FARS2: variants seen among roughly 807,000 people sequenced by gnomAD.
The protein encoded by FARS2 is phenylalanine--tRNA ligase, mitochondrial.
FARS2 carries 40 observed loss-of-function variants against 46.4 expected under a neutral mutation model. The ratio of observed to expected loss-of-function variants is 0.86; its 90% CI spans 0.67 to 1.12. The LOEUF (loss-of-function observed/expected upper bound fraction) is 1.12, where lower values mean the gene tolerates loss of function less well. Ranked by LOEUF, FARS2 falls within the 50% of genes most tolerant of loss-of-function variation. FARS2 has a pLI of 0.00. For missense variants in FARS2, 513 were observed against 567.9 expected (o/e 0.90, Z 0.98); for synonymous variants, 234 against 214.9 (o/e 1.09, Z -0.78).
intron 6 of FARS2, among the ~76,000 whole-genome samples, chr6:5,733,198 A>G (rs1346324290): frequency 6.6e-6 from 1 of 152,212 alleles, no homozygotes; most frequent in Non-Finnish European, 1.5e-5. Flanking sequence ...AGAATTAAAA[A>G]CTTCTTGATG....
intron 4 of FARS2, among the ~76,000 whole-genome samples, chr6:5,544,952 A>G (rs1770869224): frequency 6.6e-6 from 1 of 152,126 alleles, no homozygotes; most frequent in South Asian, 2.1e-4. Flanking sequence ...GAAAGACAGT[A>G]CTCCAGACAG....
At chr6:5,472,900 C>A (rs907527525) in intron 4 of FARS2, among the ~76,000 whole-genome samples, 1 of 152,132 alleles carries the variant, frequency 6.6e-6, no homozygotes, top group African/African-American at 2.4e-5. Flanking sequence ...TTGTTAAATA[C>A]AGAGAGCACA....
In FARS2 at chr6:5,445,250, G is replaced by GAA. The variant is rs377449736; in HGVS notation, c.904+14080_904+14081dup. ...ATTGGATTTTATTTAAACTATTTAT[G>GAA]AAACTCTTGCTTCATGGGATCACTG... is the stretch of plus-strand genomic sequence containing the variant. On this transcript the variant is annotated intron_variant, in intron 4 of 6. Coordinates refer to ENST00000274680, the MANE Select transcript of FARS2 (RefSeq NM_006567.5). 4.9e-3 allele frequency among the ~76,000 whole-genome samples: 743 copies of GAA among 152,226 alleles called. 4 individuals carry two copies. The highest frequency in any genetic ancestry group is 8.1e-3 in the Non-Finnish European group (551 of 68,010).
intron 5 of FARS2, among the ~76,000 whole-genome samples, chr6:5,606,364 G>C (rs1413289060): frequency 1.3e-5 from 2 of 151,864 alleles, no homozygotes; most frequent in Non-Finnish European, 2.9e-5. Context: ...ATAGGCGGCA[G>C]GGAAGTTGTC....
At chr6:5,557,431 G>A (rs1194477208) in intron 5 of FARS2, among the ~76,000 whole-genome samples, 2 of 152,090 alleles carry the variant, frequency 1.3e-5, no homozygotes, top group Non-Finnish European at 2.9e-5. Flanking sequence ...TAAGAGTGAG[G>A]GAGAGTTTTT....
At chr6:5,432,219 G>A (rs2127769905) in intron 4 of FARS2, among the ~76,000 whole-genome samples, 1 of 146,578 alleles carries the variant, frequency 6.8e-6, no homozygotes, top group East Asian at 2.0e-4. Flanking sequence ...GGGAGGCTGA[G>A]GCAGGAGAAT....
At chr6:5,483,286 C>T (rs1766581873) in intron 4 of FARS2, among the ~76,000 whole-genome samples, 1 of 152,190 alleles carries the variant, frequency 6.6e-6, no homozygotes, top group Non-Finnish European at 1.5e-5. Flanking sequence ...GTGATCAATT[C>T]CCAAAAGACC....
intron 6 of FARS2, among the ~76,000 whole-genome samples, chr6:5,760,438 G>A (rs924575506): frequency 2.0e-5 from 3 of 152,158 alleles, no homozygotes; most frequent in African/African-American, 7.2e-5. Context: ...TGCCAGGAAT[G>A]AGACCTCAAG....
At chr6:5,410,081 A>T (rs759244035) in intron 3 of FARS2, among the ~76,000 whole-genome samples, 28 of 152,076 alleles carry the variant, frequency 1.8e-4, no homozygotes, top group Non-Finnish European at 3.2e-4. Flanking sequence ...ACTGAATGTT[A>T]ACAATGCTTT....
At chr6:5,566,176 GCCAATTGGCTTAT>G (rs1226633034) in intron 5 of FARS2, among the ~76,000 whole-genome samples, 1 of 152,158 alleles carries the variant, frequency 6.6e-6, no homozygotes, top group Non-Finnish European at 1.5e-5. Context: ...GCAGCCCAAA[GCCAATTGGCTTAT>G]TTTGTAATCA....
intron 5 of FARS2, among the ~76,000 whole-genome samples, chr6:5,588,926 G>A (rs1424887757): frequency 1.3e-5 from 2 of 152,084 alleles, no homozygotes; most frequent in African/African-American, 4.8e-5. Context: ...AGCTCTTTGG[G>A]GCCATTTTCG....
chr6:5,768,763 T>C (rs1038325046), intron 6 of FARS2, among the ~76,000 whole-genome samples: 4 of 152,232 alleles, frequency 2.6e-5, no homozygotes, highest in African/African-American at 9.6e-5. Flanking sequence ...TTGTTGGCCA[T>C]TTGTTTATCT....
chr6:5,492,540 A>C (rs1357511093), intron 4 of FARS2, among the ~76,000 whole-genome samples: 1 of 152,272 alleles, frequency 6.6e-6, no homozygotes, highest in Non-Finnish European at 1.5e-5. Flanking sequence ...TTCTACCAGC[A>C]ATATAATCAT....
In FARS2 at chr6:5,417,415, T is replaced by G. The variant is rs150619806; in HGVS notation, c.772+12714T>G. On this transcript the variant is annotated intron_variant, in intron 3 of 6. Coordinates refer to ENST00000274680, the MANE Select transcript of FARS2 (RefSeq NM_006567.5). Reference sequence around the variant, plus strand: ...AAATAAAAAAAAAATTGTAGAGAGATGGGGTGTCACCATGTTGCCCAGGCT... The same window carrying G: ...AAATAAAAAAAAAATTGTAGAGAGAGGGGGTGTCACCATGTTGCCCAGGCT... Among the ~76,000 whole-genome samples, 179 of 152,116 alleles carry G rather than the reference T, an allele frequency of 1.2e-3. 2 individuals are homozygous for G. In the Middle Eastern group the frequency reaches 0.014, roughly 12 times the overall value.
intron 3 of FARS2, among the ~76,000 whole-genome samples, chr6:5,414,338 A>C (rs887566004): frequency 6.6e-6 from 1 of 152,158 alleles, no homozygotes; most frequent in African/African-American, 2.4e-5. Flanking sequence ...CTAAACCATC[A>C]CCACAATCAA....
rs149555068 is a variant in FARS2 at position 5,707,681 on chromosome 6, G to A, written c.1218-63610G>A. Among the ~76,000 whole-genome samples, 11 of 152,326 alleles carry A rather than the reference G, an allele frequency of 7.2e-5. No homozygotes were observed. In the East Asian group the frequency reaches 2.1e-3, roughly 29 times the overall value. On this transcript the variant is annotated intron_variant, in intron 6 of 6. Coordinates refer to ENST00000274680, the MANE Select transcript of FARS2 (RefSeq NM_006567.5). ...CCCAGGAGGGGAAGGGCAAATCTGA[G>A]CACACATGCCAGTCTACTTTGAAAA...
At chr6:5,332,192 G>A (rs138730032) in intron 1 of FARS2, among the ~76,000 whole-genome samples, 3 of 152,306 alleles carry the variant, frequency 2.0e-5, no homozygotes, top group East Asian at 3.9e-4. Flanking sequence ...TCTTGCTCCA[G>A]TGATAGACAC....
At chr6:5,344,781 C>A (rs1581837613) in intron 1 of FARS2, among the ~76,000 whole-genome samples, 1 of 151,214 alleles carries the variant, frequency 6.6e-6, no homozygotes, top group South Asian at 2.1e-4. Flanking sequence ...TTTTCTCTTT[C>A]TTTCTTTTCT....
At chr6:5,720,175 G>A (rs867178114) in intron 6 of FARS2, among the ~76,000 whole-genome samples, 7 of 152,048 alleles carry the variant, frequency 4.6e-5, no homozygotes. Flanking sequence ...TTGCGAACTA[G>A]TTTTAAATTT....
Sources: gnomAD v4.1 joint callset for allele counts (sites outside exome capture counted in the v4.1 genomes callset) on GRCh38, gnomAD v4.1.1 for gene constraint, MANE v1.5 for transcripts, NCBI Gene and HGNC (gene_info 2026-07-23, HGNC 2026-07-21) for gene names.